SCYL2: variants seen among roughly 807,000 people sequenced by gnomAD.
The protein encoded by SCYL2 is SCY1 like pseudokinase 2, also known as SCY1-like protein 2.
In SCYL2, 36 loss-of-function variants were observed where a neutral mutation model predicts 100.4. The ratio of observed to expected loss-of-function variants is 0.36; its 90% CI spans 0.27 to 0.47. The LOEUF (loss-of-function observed/expected upper bound fraction) is 0.47, where lower values mean the gene tolerates loss of function less well. SCYL2 is among the 20% of genes least tolerant of loss of function. The pLI is 1.00. For synonymous variants in SCYL2, 330 were observed against 359.2 expected (o/e 0.92, Z 0.92); for missense variants, 902 against 1,083.9 (o/e 0.83, Z 2.36).
chr12:100,294,328 G>A (rs1206492037), intron 3 of SCYL2, among the ~76,000 whole-genome samples: 4 of 114,664 alleles, frequency 3.5e-5, no homozygotes, highest in East Asian at 5.6e-4. Flanking sequence ...CAGTAGGGGC[G>A]GCTGGGCAGA....
At chr12:100,329,122 C>A in intron 12 of SCYL2, 79 bp from the exon 13 acceptor site, 2 of 714,394 alleles carry the variant, frequency 2.8e-6, no homozygotes, top group South Asian at 1.6e-5. Context: ...CAAGGGATTT[C>A]GTATACATAT....
chr12:100,311,803 A>G (rs561657601), intron 5 of SCYL2, among the ~76,000 whole-genome samples: 3 of 152,178 alleles, frequency 2.0e-5, no homozygotes, highest in Admixed American at 6.5e-5. Context: ...TATTAAATCA[A>G]TTCTGCCTTG....
chr12:100,339,318 T>G lies in SCYL2; in HGVS notation c.*146T>G, dbSNP rs1952324130. On this transcript the variant is annotated 3_prime_UTR_variant, in exon 18 of 18. Transcript: ENST00000360820. ...GGAAACATCTCTGTCCATGCCAGCA[T>G]AGTAGTTGTATGGACTTCTAACCAG... 3 of 801,570 alleles carry G rather than the reference T, an allele frequency of 3.7e-6. No homozygotes were observed. Among genetic ancestry groups the G allele is most frequent in the African/African-American group, 1.7e-5 (1 of 57,448 alleles). 49.7% of individuals were successfully genotyped at this position (801,570 alleles called of 1,614,324 possible). A position where few individuals can be genotyped will look rare whatever the true frequency, so the allele number is the denominator to read the frequency against.
In SCYL2 at chr12:100,282,927, CCTT is replaced by C. The variant is rs751983105; in HGVS notation, c.-28-13_-28-11del. On this transcript the variant is annotated splice_polypyrimidine_tract_variant and intron_variant, in intron 1 of 17. Coordinates refer to ENST00000360820, the MANE Select transcript of SCYL2 (RefSeq NM_017988.6). Reference sequence around the variant, plus strand: ...TAAGAAATGATCAGTTCTCCACTATCCTTCTGTTTTTCTAGGTAACTATAACTA... The same window carrying C: ...TAAGAAATGATCAGTTCTCCACTATCCTGTTTTTCTAGGTAACTATAACTA... The C allele has an allele frequency of 5.5e-6, 7 of 1,278,264 alleles. No individual in the cohort carries two copies. The highest frequency in any genetic ancestry group is 7.7e-6 in the Non-Finnish European group (7 of 910,236). 79.2% of individuals were successfully genotyped at this position (1,278,264 alleles called of 1,614,324 possible).
chr12:100,328,928 G>A (rs1419927277), intron 12 of SCYL2, among the ~76,000 whole-genome samples: 1 of 152,130 alleles, frequency 6.6e-6, no homozygotes, highest in African/African-American at 2.4e-5. Context: ...ATTGAACCTG[G>A]TTCTGATAAG....
intron 4 of SCYL2, among the ~76,000 whole-genome samples, chr12:100,303,184 G>A (rs1026813551): frequency 1.3e-5 from 2 of 152,064 alleles, no homozygotes; most frequent in African/African-American, 2.4e-5. Flanking sequence ...CTTGCATTGG[G>A]TTAGAACATG....
At chr12:100,281,711 G>A (rs2135826509) in intron 1 of SCYL2, among the ~76,000 whole-genome samples, 1 of 152,040 alleles carries the variant, frequency 6.6e-6, no homozygotes, top group African/African-American at 2.4e-5. Flanking sequence ...GCGGGCGCCT[G>A]TAGTCCCAGC....
chr12:100,288,298 G>A (rs1398160807), intron 2 of SCYL2, among the ~76,000 whole-genome samples: 1 of 151,750 alleles, frequency 6.6e-6, no homozygotes, highest in African/African-American at 2.4e-5. Flanking sequence ...AGAGAATTTT[G>A]TGAGTTTTTT....
chr12:100,310,275 CA>C (rs1365825850), intron 4 of SCYL2, among the ~76,000 whole-genome samples: 10 of 152,202 alleles, frequency 6.6e-5, no homozygotes, highest in African/African-American at 2.2e-4. Flanking sequence ...GGATTACAGG[CA>C]TGAGCCACTG....
intron 4 of SCYL2, among the ~76,000 whole-genome samples, chr12:100,303,762 T>C (rs1339828986): frequency 2.0e-5 from 3 of 152,232 alleles, no homozygotes; most frequent in African/African-American, 7.2e-5. Flanking sequence ...TGAGGCAGTC[T>C]GTCCCTTAGC....
chr12:100,319,944 T>C (rs2096353735), intron 10 of SCYL2, among the ~76,000 whole-genome samples: 1 of 152,234 alleles, frequency 6.6e-6, no homozygotes, highest in Non-Finnish European at 1.5e-5. Context: ...AAGCTAAGTT[T>C]GATTAGAAAT....
At position 100,291,503 on chromosome 12, in the gene SCYL2, G is replaced by C; in HGVS notation, c.178G>C (p.Glu60Gln). 6.6e-7 allele frequency: 1 copy of C among 1,518,910 alleles called. No homozygotes were observed. The highest frequency in any genetic ancestry group is 8.9e-7 in the Non-Finnish European group (1 of 1,125,748). The allele number at this position is 1,518,910 out of a possible 1,614,324, so 94.1% of individuals were successfully genotyped here. The change falls in exon 3 of 18, where the codon GAA becomes CAA. Residue 60 changes from glutamate to glutamine, a missense_variant and splice_region_variant. Glu to Gln is a conservative substitution (Grantham distance 29). Transcript: ENST00000360820. The part of the protein sequence containing the change: ...FNGTKKSTKQ[E>Q]VAVFVFDKKL... Reference sequence around the variant, plus strand: ...AAAATTACACAATTCTTTTATTTAGGAAGTGGCAGTTTTTGTCTTTGATAA... The same window carrying C: ...AAAATTACACAATTCTTTTATTTAGCAAGTGGCAGTTTTTGTCTTTGATAA...
chr12:100,310,381 G>T (rs915460031), intron 4 of SCYL2, among the ~76,000 whole-genome samples: 9 of 152,058 alleles, frequency 5.9e-5, no homozygotes, highest in African/African-American at 1.9e-4. Context: ...TTTCCCTAAT[G>T]GTTAGTGACT....
intron 1 of SCYL2, among the ~76,000 whole-genome samples, chr12:100,280,008 C>T (rs2096296375): frequency 6.6e-6 from 1 of 152,234 alleles, no homozygotes; most frequent in Admixed American, 6.5e-5. Flanking sequence ...CTTCTCAATT[C>T]AGCTAGATAG....
chr12:100,295,859 CTG>C (rs1407412598), intron 3 of SCYL2, among the ~76,000 whole-genome samples: 3 of 152,048 alleles, frequency 2.0e-5, no homozygotes, highest in African/African-American at 4.8e-5. Context: ...GAACTGGAAA[CTG>C]GGGCAGACTG....
intron 9 of SCYL2, among the ~76,000 whole-genome samples, chr12:100,316,884 T>A (rs1314846872): frequency 6.6e-6 from 1 of 152,148 alleles, no homozygotes; most frequent in African/African-American, 2.4e-5. Context: ...GGCAGATTGC[T>A]TGAGCCCAGG....
intron 9 of SCYL2, among the ~76,000 whole-genome samples, chr12:100,316,860 G>T (rs1348169285): frequency 6.6e-6 from 1 of 152,144 alleles, no homozygotes; most frequent in African/African-American, 2.4e-5. Context: ...CCAGTTCTTT[G>T]TCGTGTCAAA....
intron 3 of SCYL2, among the ~76,000 whole-genome samples, chr12:100,294,692 G>A (rs1459201180): frequency 7.2e-5 from 9 of 125,700 alleles, no homozygotes; most frequent in South Asian, 2.5e-4. Context: ...CTGGCCGGGC[G>A]GGGGGCTGAC....
intron 4 of SCYL2, among the ~76,000 whole-genome samples, chr12:100,304,376 C>T (rs750927362): frequency 1.3e-5 from 2 of 152,016 alleles, no homozygotes; most frequent in Non-Finnish European, 2.9e-5. Flanking sequence ...AACCCAGGGT[C>T]CTGGTGGTGT....
Sources: gnomAD v4.1 joint callset for allele counts (sites outside exome capture counted in the v4.1 genomes callset) on GRCh38, gnomAD v4.1.1 for gene constraint, MANE v1.5 for transcripts, NCBI Gene and HGNC (gene_info 2026-07-23, HGNC 2026-07-21) for gene names.